Variants in NAALADL2 observed in about 807,000 individuals in gnomAD.
NAALADL2 encodes the protein inactive N-acetylated-alpha-linked acidic dipeptidase-like protein 2.
Under a neutral mutation model 87.2 loss-of-function variants are expected in NAALADL2, and 76 were observed. That is an observed-to-expected ratio of 0.87 (90% CI 0.72 to 1.05). The LOEUF is 1.05. Ranked by LOEUF, NAALADL2 falls within the 50% of genes least tolerant of loss-of-function variation. The probability of loss-of-function intolerance (pLI) is 0.00; values close to 1 mark genes in which losing one functional copy is unlikely to be tolerated. For synonymous variants in NAALADL2, 354 were observed against 331.0 expected, an observed-to-expected ratio of 1.07 and a Z score of -0.75; for missense variants, 1,089 against 945.8, an observed-to-expected ratio of 1.15 and a Z score of -1.99.
chr3:174,508,363 T>G (rs898554392), intron 1 of NAALADL2, among the ~76,000 whole-genome samples: 1 of 152,124 alleles, frequency 6.6e-6, no homozygotes, highest in Non-Finnish European at 1.5e-5. Context: ...TCCGCCCGTC[T>G]CGGCCTCCCA....
chr3:174,789,747 C>G (rs889906938), intron 3 of NAALADL2, among the ~76,000 whole-genome samples: 7 of 152,250 alleles, frequency 4.6e-5, no homozygotes, highest in Non-Finnish European at 7.3e-5. Flanking sequence ...TATCATAGTT[C>G]CAATTATAAG....
intron 9 of NAALADL2, among the ~76,000 whole-genome samples, chr3:175,558,725 T>G (rs55920211): frequency 0.13 from 19,943 of 152,156 alleles, 1,407 homozygotes; most frequent in Middle Eastern, 0.17. Flanking sequence ...TTGAAAATGA[T>G]TTTACTGTAT....
chr3:174,523,924 G>A (rs1720495868), intron 1 of NAALADL2, among the ~76,000 whole-genome samples: 1 of 151,994 alleles, frequency 6.6e-6, no homozygotes. Flanking sequence ...GGTTCAGCAA[G>A]TATGATGTGT....
intron 11 of NAALADL2, among the ~76,000 whole-genome samples, chr3:175,649,933 A>G (rs1054836467): frequency 2.0e-5 from 3 of 151,988 alleles, no homozygotes; most frequent in East Asian, 3.9e-4. Flanking sequence ...TTTATATACT[A>G]TGGTACAATA....
intron 9 of NAALADL2, among the ~76,000 whole-genome samples, chr3:175,477,309 T>C: frequency 6.6e-6 from 1 of 152,154 alleles, no homozygotes; most frequent in East Asian, 1.9e-4. Context: ...TCTAACACTT[T>C]CGAACCTGAC....
At chr3:175,345,733 A>G (rs1763086959) in intron 5 of NAALADL2, among the ~76,000 whole-genome samples, 1 of 152,148 alleles carries the variant, frequency 6.6e-6, no homozygotes, top group African/African-American at 2.4e-5. Context: ...CATGGCATTT[A>G]TGTAGCATGG....
At chr3:175,446,927 C>T (rs1422603782) in intron 5 of NAALADL2, among the ~76,000 whole-genome samples, 1 of 152,098 alleles carries the variant, frequency 6.6e-6, no homozygotes, top group Non-Finnish European at 1.5e-5. Flanking sequence ...GGCCCCTGTA[C>T]CTTTATGCTT....
chr3:175,790,856 T>G (rs989894992), intron 13 of NAALADL2, among the ~76,000 whole-genome samples: 4 of 152,234 alleles, frequency 2.6e-5, no homozygotes, highest in African/African-American at 7.2e-5. Flanking sequence ...ATAATGCTAA[T>G]TAAATCATGT....
At chr3:174,996,102 A>G (rs1055146447) in intron 1 of NAALADL2, among the ~76,000 whole-genome samples, 1 of 152,200 alleles carries the variant, frequency 6.6e-6, no homozygotes, top group Non-Finnish European at 1.5e-5. Context: ...TAGATTAAAG[A>G]AAGATTTGCC....
rs558055820 is a variant in NAALADL2 at position 174,453,982 on chromosome 3, G to A, written c.-184+12950G>A. Among the ~76,000 whole-genome samples, 13 of 151,994 alleles carry A rather than the reference G, an allele frequency of 8.6e-5. No individual in the cohort carries two copies. In the South Asian group the frequency reaches 2.1e-3, roughly 24 times the overall value. On this transcript the variant is annotated intron_variant, in intron 1 of 3. Transcript: ENST00000434257. ...CAGAGTTGCAAGCTGGATAAAGACC[G>A]AATTATATGCTGTCTTCGGAAGACC...
intron 4 of NAALADL2, among the ~76,000 whole-genome samples, chr3:175,290,933 C>T (rs547546498): frequency 1.3e-5 from 2 of 152,024 alleles, no homozygotes; most frequent in South Asian, 4.2e-4. Flanking sequence ...AGTATTTCCT[C>T]AAGACAATAA....
chr3:174,717,986 G>A (rs996616950), intron 2 of NAALADL2, among the ~76,000 whole-genome samples: 4 of 152,100 alleles, frequency 2.6e-5, no homozygotes, highest in South Asian at 2.1e-4. Context: ...AAAACTTGTC[G>A]GGCGTGTTGG....
intron 5 of NAALADL2, among the ~76,000 whole-genome samples, chr3:175,445,228 A>G (rs1360270758): frequency 6.6e-6 from 1 of 151,986 alleles, no homozygotes; most frequent in Non-Finnish European, 1.5e-5. Flanking sequence ...TGTTCTCTCC[A>G]TTATCTCTAT....
chr3:174,510,144 T>G (rs1388944043), intron 1 of NAALADL2, among the ~76,000 whole-genome samples: 1 of 152,186 alleles, frequency 6.6e-6, no homozygotes, highest in Non-Finnish European at 1.5e-5. Context: ...AAAATATTGT[T>G]AAGGACTTAT....
intron 6 of NAALADL2, among the ~76,000 whole-genome samples, chr3:175,450,057 T>C (rs1039758256): frequency 2.0e-5 from 3 of 152,278 alleles, no homozygotes; most frequent in African/African-American, 7.2e-5. Context: ...TAAATCAGTA[T>C]TGGAAAATCT....
At chr3:174,850,981 T>C (rs1426705711) in intron 3 of NAALADL2, among the ~76,000 whole-genome samples, 2 of 152,090 alleles carry the variant, frequency 1.3e-5, no homozygotes, top group Admixed American at 1.3e-4. Flanking sequence ...CTACAAACAC[T>C]TGAAAGTTAA....
intron 2 of NAALADL2, among the ~76,000 whole-genome samples, chr3:175,170,760 C>T (rs1224251471): frequency 6.6e-6 from 1 of 151,340 alleles, no homozygotes; most frequent in East Asian, 1.9e-4. Flanking sequence ...AAATTCATAA[C>T]CCTTAACGTG....
At chr3:174,833,953 G>T (rs1723030621) in intron 3 of NAALADL2, among the ~76,000 whole-genome samples, 1 of 150,702 alleles carries the variant, frequency 6.6e-6, no homozygotes, top group Admixed American at 6.6e-5. Context: ...TCATACCTAA[G>T]GGTAAAAACT....
intron 1 of NAALADL2, among the ~76,000 whole-genome samples, chr3:174,522,431 T>TG (rs1560028450): frequency 6.6e-6 from 1 of 151,650 alleles, no homozygotes; most frequent in Non-Finnish European, 1.5e-5. Flanking sequence ...GAAGCTGAGG[T>TG]GGGGGGATTG....
Sources: allele counts gnomAD v4.1 joint callset (sites outside exome capture counted in the v4.1 genomes callset), GRCh38; gene constraint gnomAD v4.1.1; transcripts MANE v1.5; gene names NCBI Gene and HGNC (gene_info 2026-07-23, HGNC 2026-07-21).